Variants in BBS2 observed in about 807,000 individuals in gnomAD.
The protein encoded by BBS2 is BBSome complex member BBS2.
Under a neutral mutation model 83.0 loss-of-function variants are expected in BBS2, and 62 were observed. The observed-to-expected ratio is 0.75, with a 90% confidence interval of 0.61 to 0.92. The LOEUF (loss-of-function observed/expected upper bound fraction) is 0.92. Ranked by LOEUF, BBS2 falls within the 40% of genes least tolerant of loss-of-function variation. The pLI, the probability that BBS2 is intolerant of heterozygous loss-of-function variation, is 0.00. For synonymous variants in BBS2, 303 were observed against 326.1 expected (o/e 0.93, Z 0.76); for missense variants, 784 against 901.0 (o/e 0.87, Z 1.66).
At chr16:56,496,906 G>T in intron 15 of BBS2, 61 bp downstream of exon 15, 1 of 1,138,778 alleles carries the variant, frequency 8.8e-7, no homozygotes, top group South Asian at 1.2e-5. Flanking sequence ...TCTGAGAGTT[G>T]CTATTCCATA....
intron 4 of BBS2, among the ~76,000 whole-genome samples, 179 bp downstream of exon 4, chr16:56,510,680 A>G (rs1256247606): frequency 6.6e-6 from 1 of 152,212 alleles, no homozygotes; most frequent in African/African-American, 2.4e-5. Flanking sequence ...CACAAGCACA[A>G]GTGATTTATT....
intron 5 of BBS2, among the ~76,000 whole-genome samples, chr16:56,507,876 G>A (rs550414967): frequency 1.3e-5 from 2 of 152,294 alleles, no homozygotes; most frequent in East Asian, 1.9e-4. Flanking sequence ...GCTGAGGCAG[G>A]AGAATCACTT....
chr16:56,501,191 T>G, intron 10 of BBS2, 162 bp downstream of exon 10: 1 of 1,260,122 alleles, frequency 7.9e-7, no homozygotes, highest in Non-Finnish European at 1.1e-6. Context: ...GCGCCTGTAG[T>G]CCCAGCTACT....
chr16:56,510,198 A>C (rs56052116), intron 4 of BBS2, among the ~76,000 whole-genome samples, 164 bp from the exon 5 acceptor site: 4,588 of 152,304 alleles, frequency 0.03, 78 homozygotes, highest in Non-Finnish European at 0.047. Context: ...TAATGGGAGG[A>C]TCAGCAGATT....
intron 3 of BBS2, 53 bp from the exon 4 acceptor site, chr16:56,510,974 A>G: frequency 1.9e-6 from 3 of 1,597,120 alleles, no homozygotes; most frequent in Non-Finnish European, 2.6e-6. Context: ...CATTTACTCC[A>G]AATATATTAG....
At chr16:56,478,033 C>A (rs1397670568) in intron 17 of BBS2, 1 of 152,180 alleles carries the variant, frequency 6.6e-6, no homozygotes, top group Non-Finnish European at 1.5e-5. Flanking sequence ...ATTTCTATAA[C>A]TTACTGTTAT....
chr16:56,487,890 C>T (rs1963825828), intron 15 of BBS2, among the ~76,000 whole-genome samples: 1 of 152,228 alleles, frequency 6.6e-6, no homozygotes, highest in South Asian at 2.1e-4. Flanking sequence ...AAGAATGGCA[C>T]CATCACTGGT....
chr16:56,495,762 A>G (rs373624309), intron 15 of BBS2, among the ~76,000 whole-genome samples: 25 of 93,762 alleles, frequency 2.7e-4, no homozygotes, highest in African/African-American at 4.9e-4. Flanking sequence ...AGACGTGTGT[A>G]TATATGTGTG....
At position 56,502,534 on chromosome 16, in the gene BBS2, C is replaced by G. The variant is rs1371529054; in HGVS notation, c.941-78G>C. The stretch of plus-strand genomic sequence containing the variant: ...AATTACCTGCTCTTAAAAACAAAAA[C>G]CTAAGTTCTCCCCAACTTTGGTGAA... On this transcript the variant is annotated intron_variant, in intron 8 of 16. Transcript: ENST00000245157. 6.2e-6 allele frequency: 10 copies of G among 1,611,512 alleles called. 1 individual carries two copies. The Admixed American group carries it at 1.7e-4, about 27-fold the overall frequency.
chr16:56,494,125 A>ATTTTT (rs774708101), intron 15 of BBS2, among the ~76,000 whole-genome samples: 5 of 120,158 alleles, frequency 4.2e-5, no homozygotes, highest in Non-Finnish European at 5.1e-5. Context: ...TGCCCAGCTA[A>ATTTTT]TTTTTTTTTT....
At chr16:56,498,312 C>T in intron 13 of BBS2, 125 bp downstream of exon 13, 1 of 1,244,618 alleles carries the variant, frequency 8.0e-7, no homozygotes, top group Non-Finnish European at 1.1e-6. Context: ...TGATGTCCCC[C>T]ACCTCACTTT....
chr16:56,498,578 G>T lies in BBS2; in HGVS notation c.1528-10C>A. 6.2e-7 allele frequency: 1 copy of T among 1,613,588 alleles called. No individual in the cohort carries two copies. The highest frequency in any genetic ancestry group is 1.1e-5 in the South Asian group (1 of 91,028). ...CGAGCCATACAACAACCTTGAAAATGAACACAATGAAATGACCTCCATTTT... is the reference window on the plus strand; with the variant it reads ...CGAGCCATACAACAACCTTGAAAATTAACACAATGAAATGACCTCCATTTT... On this transcript the variant is annotated splice_polypyrimidine_tract_variant and intron_variant, in intron 12 of 16. Transcript: ENST00000245157.
Position 56,499,910 on chromosome 16 carries a change from A to G in BBS2, c.1398-3T>C. 2 of 1,613,524 alleles carry G rather than the reference A, an allele frequency of 1.2e-6. No homozygotes were observed. The highest frequency in any genetic ancestry group is 1.7e-6 in the Non-Finnish European group (2 of 1,179,636). The stretch of plus-strand genomic sequence containing the variant: ...ATTCAAATACATGAAACTGGGTGCT[A>G]TGGCCAATCAATGAAACACAAGAGA... On this transcript the variant is annotated splice_polypyrimidine_tract_variant and splice_region_variant and intron_variant, in intron 11 of 16. Coordinates refer to ENST00000245157, the MANE Select transcript of BBS2 (RefSeq NM_031885.5).
intron 2 of BBS2, among the ~76,000 whole-genome samples, chr16:56,513,032 G>A (rs1333879944): frequency 6.6e-6 from 1 of 152,106 alleles, no homozygotes; most frequent in Admixed American, 6.6e-5. Flanking sequence ...CACACCTGTA[G>A]TCCCAGCTAC....
chr16:56,494,443 A>G (rs190688063), intron 15 of BBS2, among the ~76,000 whole-genome samples: 6 of 152,300 alleles, frequency 3.9e-5, no homozygotes, highest in African/African-American at 1.2e-4. Flanking sequence ...GTAGCAATGA[A>G]CATCTTTAGT....
intron 15 of BBS2, 26 bp downstream of exon 15, chr16:56,496,941 C>G (rs1490397159): frequency 6.6e-7 from 1 of 1,524,712 alleles, no homozygotes; most frequent in African/African-American, 1.4e-5. Context: ...AACCCTGCAC[C>G]TGTACTAACC....
rs747928194 is a variant in BBS2 at position 56,475,580 on chromosome 16, A to G, written c.*1-4885T>C. On this transcript the variant is annotated intron_variant, in intron 17 of 17. Coordinates refer to the BBS2 transcript ENST00000682047. ...AAGATGAAGAGGTAAGTTTCTTCTG[A>G]TAGCAAACTATCATTTTTAGTTATT... The G allele has an allele frequency of 3.1e-6, 5 of 1,609,672 alleles. No homozygotes were observed. In the South Asian group the frequency reaches 3.3e-5, roughly 11 times the overall value.
At chr16:56,480,944 C>T (rs1408562503), downstream of BBS2, among the ~76,000 whole-genome samples, 7 of 152,076 alleles carry the variant, frequency 4.6e-5, no homozygotes, top group Non-Finnish European at 7.3e-5. Context: ...GTACAGATTA[C>T]AAGATGACTT....
intron 7 of BBS2, 113 bp downstream of exon 7, chr16:56,505,837 C>G: frequency 1.2e-6 from 1 of 816,844 alleles, no homozygotes; most frequent in Non-Finnish European, 2.1e-6. Flanking sequence ...AAAACATTGC[C>G]AAGGAACGAA....
Sources: allele counts gnomAD v4.1 joint callset (sites outside exome capture counted in the v4.1 genomes callset), GRCh38; gene constraint gnomAD v4.1.1; transcripts MANE v1.5; gene names NCBI Gene and HGNC (gene_info 2026-07-23, HGNC 2026-07-21).